The following DST variants were observed in gnomAD, a reference collection of about 807,000 sequenced individuals.
DST encodes bullous pemphigoid antigen.
In DST, 253 loss-of-function variants were observed where a neutral mutation model predicts 875.2. The ratio of observed to expected loss-of-function variants is 0.29; its 90% confidence interval spans 0.26 to 0.32. The LOEUF (loss-of-function observed/expected upper bound fraction) is 0.32. Among genes scored for constraint, DST ranks in the 10% least tolerant of loss-of-function variants. DST has a pLI of 1.00. For missense variants in DST, 8,287 were observed against 9,111.6 expected, an observed-to-expected ratio of 0.91 and a Z score of 3.68; for synonymous variants, 3,124 against 3,197.1, an observed-to-expected ratio of 0.98 and a Z score of 0.77.
At chr6:56,816,288 C>G (rs2099766387) in intron 4 of DST, among the ~76,000 whole-genome samples, 1 of 152,116 alleles carries the variant, frequency 6.6e-6, no homozygotes, top group African/African-American at 2.4e-5. Context: ...AATTTAAGAA[C>G]CTTGACAAAC....
chr6:56,490,306 T>A (rs1484222865), intron 85 of DST, among the ~76,000 whole-genome samples: 2 of 152,184 alleles, frequency 1.3e-5, no homozygotes, highest in African/African-American at 4.8e-5. Flanking sequence ...ATATTTGATT[T>A]TGAGCACAGT....
At position 56,954,469 on chromosome 6, in the gene DST, C is replaced by T. The variant is rs780248720; in HGVS notation, c.119G>A (p.Arg40His). 7.3e-7 allele frequency: 1 copy of T among 1,367,376 alleles called. No individual in the cohort carries two copies. Among genetic ancestry groups the T allele is most frequent in the South Asian group, 1.1e-5 (1 of 87,978 alleles). The allele number at this position is 1,367,376 out of a possible 1,614,324, so 84.7% of individuals were successfully genotyped here. A position where few individuals can be genotyped will look rare whatever the true frequency, so the allele number is the denominator to read the frequency against. ...CGGATGCCTCCCTTTCTGGAGCTTG[C>T]GGTGCCAGCAGCAGAAGAAGACGAT... ...ATIVFFCCWH[R>H]KLQKGRHPMK... Residue 40 changes from arginine to histidine, a missense_variant, in exon 1 of 104, where the codon CGC becomes CAC. Coordinates refer to ENST00000680361, the MANE Select transcript of DST (RefSeq NM_001374736.1).
rs530175611 is a variant in DST, at chr6:56,671,742, C to T, written c.1048-935G>A. Reference sequence around the variant, plus strand: ...CCTCAATCAGTGCAAGACGCAAAGCCAAGGGATCAACAAGACAGGCTGCAC... The same window carrying T: ...CCTCAATCAGTGCAAGACGCAAAGCTAAGGGATCAACAAGACAGGCTGCAC... On this transcript the variant is annotated intron_variant, in intron 9 of 103. Transcript: ENST00000680361. Among the ~76,000 whole-genome samples the T allele has an allele frequency of 3.9e-5, 6 of 152,228 alleles. No individual in the cohort carries two copies. In the South Asian group the frequency reaches 1.2e-3, roughly 32 times the overall value.
chr6:56,742,897 A>T (rs575150667), intron 4 of DST, among the ~76,000 whole-genome samples: 1 of 152,312 alleles, frequency 6.6e-6, no homozygotes, highest in East Asian at 1.9e-4. Flanking sequence ...ATACATTTTC[A>T]TTTGGATTTC....
chr6:56,734,529 G>T (rs1381118530), intron 5 of DST, among the ~76,000 whole-genome samples: 1 of 152,146 alleles, frequency 6.6e-6, no homozygotes, highest in African/African-American at 2.4e-5. Context: ...GGGAGAAAGG[G>T]GAAGTGACCA....
intron 5 of DST, among the ~76,000 whole-genome samples, chr6:56,704,639 G>A (rs1250135079): frequency 2.6e-5 from 4 of 152,072 alleles, no homozygotes; most frequent in Admixed American, 2.6e-4. Context: ...TACTACATGG[G>A]GTTACAATTC....
chr6:56,713,345 C>G (rs906439627), intron 5 of DST, among the ~76,000 whole-genome samples: 2 of 152,202 alleles, frequency 1.3e-5, no homozygotes, highest in Non-Finnish European at 2.9e-5. Flanking sequence ...TGAATCATCT[C>G]TTTTGGGGCT....
intron 36 of DST, among the ~76,000 whole-genome samples, chr6:56,621,619 T>G (rs1002271939): frequency 3.3e-5 from 5 of 152,074 alleles, no homozygotes. Context: ...AAGAAAAAAT[T>G]TTTACTCTAC....
At chr6:56,932,055 T>G (rs878901861) in intron 2 of DST, among the ~76,000 whole-genome samples, 2 of 152,132 alleles carry the variant, frequency 1.3e-5, no homozygotes, top group Admixed American at 6.5e-5. Context: ...CTGAATGATA[T>G]GGTTTGGCTC....
intron 3 of DST, among the ~76,000 whole-genome samples, chr6:56,859,957 C>T (rs1770139020): frequency 6.6e-6 from 1 of 152,212 alleles, no homozygotes; most frequent in Non-Finnish European, 1.5e-5. Flanking sequence ...TCCCTCACTT[C>T]ACTCTTCCAA....
intron 36 of DST, 43 bp downstream of exon 36, chr6:56,624,487 C>G (rs893450613): frequency 2.2e-6 from 3 of 1,360,088 alleles, no homozygotes; most frequent in African/African-American, 2.9e-5. Context: ...CTGCTCATCT[C>G]TAGCTCCTTT....
At chr6:56,501,759 A>T in intron 78 of DST, 66 bp from the exon 79 acceptor site, 1 of 1,202,866 alleles carries the variant, frequency 8.3e-7, no homozygotes. Context: ...AAAGAAATCT[A>T]TTGGTTATAT....
rs988471411 is a variant in DST, at chr6:56,764,329, T to C, written c.626-29040A>G. ...CAAACCACTGTAAGGGCAAATACCA[T>C]ATACTATTCTGCTTGGCTTGTAGCC... On this transcript the variant is annotated intron_variant, in intron 4 of 103. Transcript: ENST00000680361. Among the ~76,000 whole-genome samples the C allele has an allele frequency of 3.9e-5, 6 of 152,190 alleles. 1 individual carries two copies. Among genetic ancestry groups the C allele is most frequent in the Non-Finnish European group, 7.3e-5 (5 of 68,028 alleles).
chr6:56,552,830 G>A lies in DST; in HGVS notation c.15962C>T (p.Ser5321Leu), dbSNP rs2152555553. The A allele has an allele frequency of 1.2e-6, 2 of 1,612,962 alleles. No homozygotes were observed. Among genetic ancestry groups the A allele is most frequent in the East Asian group, 2.2e-5 (1 of 44,876 alleles). The part of the protein sequence containing the change: ...YLTMLQTQQK[S>L]LQALKHQVDL... ...TACCTGATGCTTCAAGGCCTGAAGTGATTTCTGCTGAGTTTGCAACATGGT... is the reference window on the plus strand; with the variant it reads ...TACCTGATGCTTCAAGGCCTGAAGTAATTTCTGCTGAGTTTGCAACATGGT... Residue 5321 changes from serine to leucine, a missense_variant, in exon 61 of 104, where the codon TCA becomes TTA. Coordinates refer to ENST00000680361, the MANE Select transcript of DST (RefSeq NM_001374736.1).
At chr6:56,767,612 C>T (rs1309209802) in intron 4 of DST, among the ~76,000 whole-genome samples, 2 of 128,284 alleles carry the variant, frequency 1.6e-5, no homozygotes, top group Non-Finnish European at 3.3e-5. Context: ...AAGACCCTGT[C>T]TCAAATAAAT....
Position 56,617,744 on chromosome 6 carries a change from C to T in DST, c.4930-3260G>A, listed in dbSNP as rs2098641609. Among the ~76,000 whole-genome samples the T allele has an allele frequency of 2.0e-5, 3 of 152,138 alleles. No homozygotes were observed. The South Asian group carries it at 6.2e-4, about 32-fold the overall frequency. On this transcript the variant is annotated intron_variant, in intron 36 of 103. Transcript: ENST00000680361. The stretch of plus-strand genomic sequence containing the variant: ...TCACATTTTTCAGAATGTATCTCCA[C>T]AGATATAACAGTATATCTATTACAT...
intron 3 of DST, among the ~76,000 whole-genome samples, chr6:56,867,704 G>A (rs772242766): frequency 1.6e-4 from 25 of 152,082 alleles, no homozygotes; most frequent in Non-Finnish European, 2.9e-4. Context: ...GTGCACAGCC[G>A]TAGTGCCAGC....
At chr6:56,632,062 G>C in intron 28 of DST, 22 bp from the exon 29 acceptor site, 1 of 1,588,562 alleles carries the variant, frequency 6.3e-7, no homozygotes, top group African/African-American at 1.3e-5. Flanking sequence ...AATATGTTTA[G>C]AAAATACCTT....
intron 2 of DST, among the ~76,000 whole-genome samples, chr6:56,913,327 G>A (rs1396185559): frequency 6.6e-6 from 1 of 152,160 alleles, no homozygotes; most frequent in African/African-American, 2.4e-5. Flanking sequence ...TAAGGAAATG[G>A]ACACTTAGAA....
Sources: allele counts gnomAD v4.1 joint callset (sites outside exome capture counted in the v4.1 genomes callset), GRCh38; gene constraint gnomAD v4.1.1; transcripts MANE v1.5; gene names NCBI Gene and HGNC (gene_info 2026-07-23, HGNC 2026-07-21).